The following THRB variants were observed in gnomAD, a reference collection of about 807,000 sequenced individuals.
THRB encodes nuclear receptor subfamily 1 group A member 2.
In THRB, 12 loss-of-function variants were observed where a neutral mutation model predicts 47.8. The ratio of observed to expected loss-of-function variants is 0.25; its 90% CI spans 0.16 to 0.41. The LOEUF (loss-of-function observed/expected upper bound fraction) is 0.41. THRB is among the 10% of genes least tolerant of loss of function. The pLI, the probability that THRB is intolerant of heterozygous loss-of-function variation, is 1.00. For synonymous variants in THRB, 218 were observed against 212.2 expected, an observed-to-expected ratio of 1.03 and a Z score of -0.24; for missense variants, 348 against 589.2, an observed-to-expected ratio of 0.59 and a Z score of 4.24.
chr3:24,281,920 C>T (rs1330336412), intron 3 of THRB, among the ~76,000 whole-genome samples: 1 of 150,212 alleles, frequency 6.7e-6, no homozygotes, highest in Non-Finnish European at 1.5e-5. Context: ...TACAGGAGCA[C>T]CCAGATTCAT....
chr3:24,480,287 C>G (rs1696171337), intron 1 of THRB, among the ~76,000 whole-genome samples: 1 of 152,202 alleles, frequency 6.6e-6, no homozygotes, highest in Admixed American at 6.5e-5. Context: ...TAAGAGCTCT[C>G]TGGGTCCACA....
rs1698772974 is a variant in THRB, at chr3:24,494,674, C to T, written c.-283G>A. On this transcript the variant is annotated 5_prime_UTR_variant, in exon 1 of 11. Coordinates refer to ENST00000646209, the MANE Select transcript of THRB (RefSeq NM_001354712.2). The stretch of plus-strand genomic sequence containing the variant: ...CACCCCGCTGCCTCCGCGCGGTCCT[C>T]TAGCCAAATTACCAGTGCCCTGGAG... 6.6e-6 allele frequency: 1 copy of T among 152,528 alleles called. No homozygotes were observed. The highest frequency in any genetic ancestry group is 2.4e-5 in the African/African-American group (1 of 41,418). 9.4% of individuals were successfully genotyped at this position (152,528 alleles called of 1,614,324 possible). A position where few individuals can be genotyped will look rare whatever the true frequency, so the allele number is the denominator to read the frequency against.
intron 1 of THRB, among the ~76,000 whole-genome samples, chr3:24,340,417 TC>T (rs2062555189): frequency 6.6e-6 from 1 of 151,654 alleles, no homozygotes; most frequent in Non-Finnish European, 1.5e-5. Context: ...TCTCTCTCTC[TC>T]TCTCATCTCT....
intron 5 of THRB, among the ~76,000 whole-genome samples, chr3:24,176,849 C>T (rs558015550): frequency 2.0e-5 from 3 of 152,166 alleles, no homozygotes; most frequent in South Asian, 4.2e-4. Context: ...TGGAAATGTT[C>T]TAAAATAAGA....
intron 1 of THRB, among the ~76,000 whole-genome samples, chr3:24,407,944 TAAAC>T (rs2067967091): frequency 6.6e-6 from 1 of 151,918 alleles, no homozygotes; most frequent in African/African-American, 2.4e-5. Context: ...ATTTGACTCA[TAAAC>T]AAGTTATTCG....
At chr3:24,193,559 TCTA>T (rs368224379) in intron 4 of THRB, among the ~76,000 whole-genome samples, 85 of 152,354 alleles carry the variant, frequency 5.6e-4, no homozygotes, top group African/African-American at 1.7e-3. Context: ...TGTTTTGAGG[TCTA>T]CTGAGTGACG....
At chr3:24,446,611 A>C (rs918297914) in intron 1 of THRB, among the ~76,000 whole-genome samples, 6 of 151,834 alleles carry the variant, frequency 4.0e-5, no homozygotes, top group African/African-American at 1.5e-4. Flanking sequence ...AATTCCTGCA[A>C]TGCCTACTGT....
chr3:24,233,560 G>GAAGAAAGAAAGAGAAAGA (rs1553658177), intron 3 of THRB, among the ~76,000 whole-genome samples: 4,955 of 77,302 alleles, frequency 0.064, 172 homozygotes, highest in Middle Eastern at 0.15. Context: ...AAAGAAAAAG[G>GAAGAAAGAAAGAGAAAGA]AAGAAAGAAA....
intron 2 of THRB, among the ~76,000 whole-genome samples, chr3:24,321,196 A>G (rs1420760312): frequency 6.6e-6 from 1 of 152,178 alleles, no homozygotes; most frequent in Non-Finnish European, 1.5e-5. Context: ...AGGCTTAAAT[A>G]ACATAACCAG....
chr3:24,286,362 T>G (rs1356363530), intron 3 of THRB, among the ~76,000 whole-genome samples: 1 of 152,214 alleles, frequency 6.6e-6, no homozygotes, highest in Non-Finnish European at 1.5e-5. Context: ...CTTTTTAGCT[T>G]GGTTCAAGAA....
chr3:24,124,753 A>G (rs2032403850), intron 10 of THRB, among the ~76,000 whole-genome samples: 1 of 152,226 alleles, frequency 6.6e-6, no homozygotes, highest in Admixed American at 6.5e-5. Flanking sequence ...AAAGTCTAAG[A>G]TATTGTGTAA....
intron 8 of THRB, among the ~76,000 whole-genome samples, chr3:24,135,308 A>C (rs2034480840): frequency 6.6e-6 from 1 of 152,252 alleles, no homozygotes; most frequent in African/African-American, 2.4e-5. Flanking sequence ...AGTCATGCTT[A>C]CAGCCTCAGG....
chr3:24,438,365 A>C (rs372787421), intron 1 of THRB, among the ~76,000 whole-genome samples: 3 of 152,290 alleles, frequency 2.0e-5, no homozygotes, highest in African/African-American at 7.2e-5. Flanking sequence ...TAAAAAGAGA[A>C]AAAGAGATGG....
chr3:24,431,581 T>C (rs2125284032), intron 1 of THRB, among the ~76,000 whole-genome samples: 1 of 152,228 alleles, frequency 6.6e-6, no homozygotes. Flanking sequence ...AAAATACATT[T>C]GAGTTACCTA....
chr3:24,403,241 T>G (rs1237677779), intron 1 of THRB, among the ~76,000 whole-genome samples: 1 of 151,880 alleles, frequency 6.6e-6, no homozygotes, highest in Non-Finnish European at 1.5e-5. Flanking sequence ...TTTACATACA[T>G]AGGGGAAGTA....
At chr3:24,276,372 C>A (rs1166494240) in intron 3 of THRB, among the ~76,000 whole-genome samples, 2 of 152,194 alleles carry the variant, frequency 1.3e-5, no homozygotes, top group East Asian at 3.8e-4. Context: ...ATTTATTAAG[C>A]ACTTTTCAAT....
intron 4 of THRB, among the ~76,000 whole-genome samples, chr3:24,221,029 G>A (rs1424674118): frequency 6.6e-6 from 1 of 152,184 alleles, no homozygotes; most frequent in East Asian, 1.9e-4. Flanking sequence ...CACTCTGCAG[G>A]CTTGGGGAAC....
intron 4 of THRB, among the ~76,000 whole-genome samples, chr3:24,227,835 T>C (rs1245000288): frequency 6.6e-6 from 1 of 152,284 alleles, no homozygotes; most frequent in African/African-American, 2.4e-5. Flanking sequence ...GGACCTGCCC[T>C]GTTGCCATGG....
At chr3:24,490,591 C>T (rs1697988381) in intron 1 of THRB, among the ~76,000 whole-genome samples, 1 of 152,166 alleles carries the variant, frequency 6.6e-6, no homozygotes, top group African/African-American at 2.4e-5. Context: ...AAACAAACTG[C>T]CCTGCAGGGT....
Sources: allele counts gnomAD v4.1 joint callset (sites outside exome capture counted in the v4.1 genomes callset), GRCh38; gene constraint gnomAD v4.1.1; transcripts MANE v1.5; gene names NCBI Gene and HGNC (gene_info 2026-07-23, HGNC 2026-07-21).